DYNC2H1: variants seen among roughly 807,000 people sequenced by gnomAD.
DYNC2H1 encodes dynein cytoplasmic 2 heavy chain 1.
Under a neutral mutation model 570.0 loss-of-function variants are expected in DYNC2H1, and 410 were observed. That is an observed-to-expected ratio of 0.72 (90% CI 0.66 to 0.78). The LOEUF is 0.78. DYNC2H1 is among the 30% of genes least tolerant of loss of function. DYNC2H1 has a pLI of 0.00. For synonymous variants in DYNC2H1, 1,688 were observed against 1,677.6 expected, an observed-to-expected ratio of 1.01 and a Z score of -0.15; for missense variants, 4,865 against 5,046.4, an observed-to-expected ratio of 0.96 and a Z score of 1.09.
At chr11:103,401,726 A>G (rs560570307) in intron 84 of DYNC2H1, among the ~76,000 whole-genome samples, 2 of 152,298 alleles carry the variant, frequency 1.3e-5, no homozygotes, top group Admixed American at 6.5e-5. Flanking sequence ...TTAAAACATC[A>G]TTAAAGTGCT....
intron 84 of DYNC2H1, chr11:103,402,103 G>A (rs1347204231): frequency 1.3e-5 from 2 of 152,090 alleles, no homozygotes; most frequent in African/African-American, 2.4e-5. Context: ...GTTGGATAGT[G>A]CTTGAATTAT....
chr11:103,220,639 C>G lies in DYNC2H1; in HGVS notation c.8963C>G (p.Ala2988Gly). The change falls in exon 57 of 89, where the codon GCT (alanine) becomes GGT (glycine). Residue 2988 changes from alanine (A) to glycine (G), a missense_variant. This residue lies in a region of DYNC2H1 where 2,401 missense variants were observed against 2,454.6 expected (regional missense o/e 0.98). Coordinates refer to ENST00000375735, the MANE Select transcript of DYNC2H1 (RefSeq NM_001377.3). ...CTCTTTTAGCCTTTAGTCAATGAAG[C>G]TAAACTAGCAGTTGGAAACATTAAG... ...LKEVQPLVNE[A>G]KLAVGNIKPE... 6.2e-7 allele frequency: 1 copy of G among 1,607,298 alleles called. No individual in the cohort carries two copies. Among genetic ancestry groups the G allele is most frequent in the Non-Finnish European group, 8.5e-7 (1 of 1,176,878 alleles).
In DYNC2H1 at chr11:103,321,234, T is replaced by G. The variant is rs1175045405; in HGVS notation, c.11931T>G (p.Ile3977Met). 1.2e-6 allele frequency: 2 copies of G among 1,603,790 alleles called. No individual in the cohort carries two copies. The highest frequency in any genetic ancestry group is 2.7e-5 in the African/African-American group (2 of 74,936). ...YSVSLPQSCS[I>M]LDYRAVIEKI... Reference sequence around the variant, plus strand: ...TATCTCTACCACAATCCTGCAGCATTTTGGTAGGTAAAATGAATGATTTTC... The same window carrying G: ...TATCTCTACCACAATCCTGCAGCATGTTGGTAGGTAAAATGAATGATTTTC... Residue 3977 changes from isoleucine to methionine, a missense_variant, in exon 81 of 89, where the codon ATT becomes ATG. By Grantham distance (10) the Ile-to-Met change is conservative. Around this residue, in one of 5 missense-constraint regions of DYNC2H1, gnomAD observed 2,401 missense variants for 2,454.6 expected, o/e 0.98. Coordinates refer to ENST00000375735, the MANE Select transcript of DYNC2H1 (RefSeq NM_001377.3).
chr11:103,270,914 T>G (rs866043965), intron 70 of DYNC2H1, among the ~76,000 whole-genome samples: 1 of 152,220 alleles, frequency 6.6e-6, no homozygotes, highest in African/African-American at 2.4e-5. Context: ...TTTCCCTTAC[T>G]TCTTGGAATT....
In DYNC2H1 at chr11:103,231,279, G is replaced by T; in HGVS notation, c.9373G>T (p.Asp3125Tyr). 1 of 1,604,204 alleles carries T rather than the reference G, an allele frequency of 6.2e-7. No homozygotes were observed. The highest frequency in any genetic ancestry group is 8.5e-7 in the Non-Finnish European group (1 of 1,175,640). ...TTTTAGGAATCTGAAGAAAACTGAA[G>T]ACAGAAAAAGGAAACTAGAGGAGCT... ...GLESNLKKTE[D>Y]RKRKLEELLN... The change falls in exon 60 of 89, where the codon GAC (aspartate) becomes TAC (tyrosine). Residue 3125 changes from aspartate to tyrosine, a missense_variant. By Grantham distance (160) the Asp-to-Tyr change is radical (BLOSUM62 -3). Transcript: ENST00000375735.
chr11:103,392,198 G>T (rs956176512), intron 83 of DYNC2H1, among the ~76,000 whole-genome samples: 2 of 152,210 alleles, frequency 1.3e-5, no homozygotes, highest in African/African-American at 4.8e-5. Context: ...CCTGGGCAAT[G>T]GCGGGCGCCC....
In DYNC2H1 at chr11:103,275,095, A is replaced by AAAATAAAT. The variant is rs145347376; in HGVS notation, c.10696-5237_10696-5230dup. 1.3e-5 allele frequency among the ~76,000 whole-genome samples: 2 copies of AAAATAAAT among 152,076 alleles called. No homozygotes were observed. The highest frequency in any genetic ancestry group is 4.8e-5 in the African/African-American group (2 of 41,380). ...GGCGACAGTGAGAGACTCCGTCTCAAAAATAAATAAATAAATAAATAAAAT... is the reference window on the plus strand; with the variant it reads ...GGCGACAGTGAGAGACTCCGTCTCAAAAATAAATAAATAAATAAATAAATAAATAAAAT... On this transcript the variant is annotated intron_variant, in intron 70 of 88. Coordinates refer to ENST00000375735, the MANE Select transcript of DYNC2H1 (RefSeq NM_001377.3). This position sits in a 1 kb window ranked among gnomAD's most constrained non-coding sequence, Gnocchi z 4.8.
At chr11:103,389,439 A>C (rs1375584775) in intron 83 of DYNC2H1, among the ~76,000 whole-genome samples, 1 of 152,050 alleles carries the variant, frequency 6.6e-6, no homozygotes, top group African/African-American at 2.4e-5. Flanking sequence ...TGATCTTTTC[A>C]AAAAACCACC....
rs937216150 is a variant in DYNC2H1 at position 103,369,506 on chromosome 11, C to G, written c.12156+11147C>G. The stretch of plus-strand genomic sequence containing the variant: ...GGCAGCTAAGGGAATGCTGGCATCA[C>G]CCCTCTCCTAACCTCAGGATACACA... On this transcript the variant is annotated intron_variant, in intron 83 of 88. Coordinates refer to ENST00000375735, the MANE Select transcript of DYNC2H1 (RefSeq NM_001377.3). The surrounding 1 kb of genome is among the most constrained non-coding windows in gnomAD (Gnocchi z 4.0). 1.3e-5 allele frequency among the ~76,000 whole-genome samples: 2 copies of G among 152,176 alleles called. No individual in the cohort carries two copies. The highest frequency in any genetic ancestry group is 3.9e-4 in the East Asian group (2 of 5,190).
rs770570585 is a variant in DYNC2H1 at position 103,389,941 on chromosome 11, TGTG to T, written c.12157-9718_12157-9716del. Among the ~76,000 whole-genome samples the T allele has an allele frequency of 6.2e-3, 949 of 152,242 alleles. 3 individuals are homozygous for T. The highest frequency in any genetic ancestry group is 0.011 in the Non-Finnish European group (721 of 68,008). On this transcript the variant is annotated intron_variant, in intron 83 of 88. Coordinates refer to ENST00000375735, the MANE Select transcript of DYNC2H1 (RefSeq NM_001377.3). Reference sequence around the variant, plus strand: ...ACTATGTGGTCAATTTTGGAATAGGTGTGGTGTGGTGCTGAGAAGAATGTATAT... The same window carrying T: ...ACTATGTGGTCAATTTTGGAATAGGTGTGTGGTGCTGAGAAGAATGTATAT...
In DYNC2H1 at chr11:103,156,904, G is replaced by T. The variant is rs768404657; in HGVS notation, c.4127+134G>T. ...TGTGTATTCAAATTCTTTCCTAGTG[G>T]ATCCTTTTGAGAAGCTATTCTCTCA... On this transcript the variant is annotated intron_variant, in intron 26 of 88. Transcript: ENST00000375735. The T allele has an allele frequency of 4.9e-4, 547 of 1,126,652 alleles. 2 individuals carry two copies. Among genetic ancestry groups the T allele is most frequent in the South Asian group, 1.0e-3 (60 of 58,388 alleles). 69.8% of individuals were successfully genotyped at this position (1,126,652 alleles called of 1,614,324 possible). A position where few individuals can be genotyped will look rare whatever the true frequency, so the allele number is the denominator to read the frequency against.
intron 75 of DYNC2H1, among the ~76,000 whole-genome samples, chr11:103,300,798 A>G (rs1867014807): frequency 6.6e-6 from 1 of 151,996 alleles, no homozygotes; most frequent in East Asian, 1.9e-4. Flanking sequence ...TTTACAGTGT[A>G]CATTGGTTAA....
Position 103,159,017 on chromosome 11 carries a change from G to T in DYNC2H1, c.4368G>T (p.Lys1456Asn). The T allele has an allele frequency of 6.2e-7, 1 of 1,610,932 alleles. No homozygotes were observed. The highest frequency in any genetic ancestry group is 8.5e-7 in the Non-Finnish European group (1 of 1,178,462). The part of the protein sequence containing the change: ...NPSVIQSHLK[K>N]LFAGINSVCF... ...CAGTGATTCAGTCTCACCTGAAGAA[G>T]CTTTTTGCTGGTAGGATTCAACATT... Residue 1456 changes from lysine to asparagine, a missense_variant, in exon 28 of 89, where the codon AAG becomes AAT. Transcript: ENST00000375735.
intron 88 of DYNC2H1, among the ~76,000 whole-genome samples, chr11:103,469,530 TCTC>T (rs2135851339): frequency 6.6e-6 from 1 of 152,286 alleles, no homozygotes; most frequent in Admixed American, 6.5e-5. Flanking sequence ...TTATTGTCAT[TCTC>T]CTTATAAAAT....
At chr11:103,339,894 G>A (rs544826789) in intron 82 of DYNC2H1, among the ~76,000 whole-genome samples, 166 of 152,322 alleles carry the variant, frequency 1.1e-3, no homozygotes, top group Middle Eastern at 3.4e-3. Context: ...TGCCCCCTCT[G>A]TGAGCACTGG....
intron 32 of DYNC2H1, 133 bp downstream of exon 32, chr11:103,169,093 T>A: frequency 2.3e-6 from 2 of 857,426 alleles, no homozygotes; most frequent in Non-Finnish European, 3.4e-6. Flanking sequence ...TTGTCTTGTT[T>A]AATCAGAATT....
chr11:103,124,998 A>T, intron 11 of DYNC2H1, 102 bp from the exon 12 acceptor site: 2 of 793,746 alleles, frequency 2.5e-6, no homozygotes, highest in Non-Finnish European at 3.8e-6. Flanking sequence ...TTTTACTTTG[A>T]GCTAATATTA....
intron 63 of DYNC2H1, among the ~76,000 whole-genome samples, chr11:103,240,430 C>G (rs1048246623): frequency 6.6e-6 from 1 of 152,130 alleles, no homozygotes; most frequent in African/African-American, 2.4e-5. Flanking sequence ...AGGTAGCTCT[C>G]TAGTATAGAA....
Position 103,363,279 on chromosome 11 carries a change from CT to C in DYNC2H1, c.12156+4927del, listed in dbSNP as rs1410514125. 6.6e-6 allele frequency among the ~76,000 whole-genome samples: 1 copy of C among 151,978 alleles called. No homozygotes were observed. Among genetic ancestry groups the C allele is most frequent in the Non-Finnish European group, 1.5e-5 (1 of 67,992 alleles). ...CTCAGCTTCTCTCATCTCTCCACTG[CT>C]TTTTTTCTTAATTAGAACTATTAGT... is the stretch of plus-strand genomic sequence containing the variant. On this transcript the variant is annotated intron_variant, in intron 83 of 88. Coordinates refer to ENST00000375735, the MANE Select transcript of DYNC2H1 (RefSeq NM_001377.3). This position sits in a 1 kb window ranked among gnomAD's most constrained non-coding sequence, Gnocchi z 5.6.
Sources: gnomAD v4.1 joint callset for allele counts (sites outside exome capture counted in the v4.1 genomes callset) on GRCh38, gnomAD v4.1.1 for gene constraint, gnomAD v4.1.1 regional missense constraint, Gnocchi (gnomAD v3.1) non-coding constraint, MANE v1.5 for transcripts, NCBI Gene and HGNC (gene_info 2026-07-23, HGNC 2026-07-21) for gene names.